The following ROBO2 variants were observed in gnomAD, a reference collection of about 807,000 sequenced individuals.
ROBO2 encodes roundabout homolog 2.
ROBO2 carries 53 observed loss-of-function variants against 160.8 expected under a neutral mutation model. The ratio of observed to expected loss-of-function variants is 0.33; its 90% confidence interval spans 0.26 to 0.41. The LOEUF (loss-of-function observed/expected upper bound fraction) is 0.41, where lower values mean the gene tolerates loss of function less well. ROBO2 is among the 10% of genes least tolerant of loss of function. The pLI, the probability that ROBO2 is intolerant of heterozygous loss-of-function variation, is 1.00. For missense variants in ROBO2, 1,577 were observed against 1,722.4 expected, an observed-to-expected ratio of 0.92 and a Z score of 1.49; for synonymous variants, 664 against 611.7, an observed-to-expected ratio of 1.09 and a Z score of -1.26.
intron 5 of ROBO2, among the ~76,000 whole-genome samples, chr3:77,493,798 A>G (rs1560991100): frequency 6.6e-6 from 1 of 152,200 alleles, no homozygotes; most frequent in East Asian, 1.9e-4. Context: ...ACAAAAGACT[A>G]TTGCATGTGG....
chr3:77,295,384 C>G (rs568651525), intron 2 of ROBO2, among the ~76,000 whole-genome samples: 1 of 149,476 alleles, frequency 6.7e-6, no homozygotes, highest in Non-Finnish European at 1.5e-5. Flanking sequence ...TAAGCTGAGG[C>G]TAGAGCACTA....
intron 2 of ROBO2, among the ~76,000 whole-genome samples, chr3:77,294,572 G>T (rs1411621571): frequency 7.1e-6 from 1 of 140,978 alleles, no homozygotes; most frequent in Non-Finnish European, 1.6e-5. Context: ...AAAATTGACG[G>T]TTAAACAGGT....
At chr3:77,328,077 AAAAG>A (rs1294274488) in intron 2 of ROBO2, among the ~76,000 whole-genome samples, 3 of 145,880 alleles carry the variant, frequency 2.1e-5, no homozygotes, top group East Asian at 4.0e-4. Flanking sequence ...AAAAAAAAAA[AAAAG>A]AAAAGAAAAA....
intron 2 of ROBO2, among the ~76,000 whole-genome samples, chr3:76,472,555 T>C (rs1249171524): frequency 2.6e-5 from 4 of 152,164 alleles, no homozygotes; most frequent in Non-Finnish European, 5.9e-5. Flanking sequence ...TGCTCTTAGG[T>C]AGCATATGTC....
In ROBO2 at chr3:76,756,467, A is replaced by G. The variant is rs139746023; in HGVS notation, c.110-341547A>G. Reference sequence around the variant, plus strand: ...GTGAGATTAGCATGGATTTGGGGTGAAAAAGTAGTATATACTTTCAAATGA... The same window carrying G: ...GTGAGATTAGCATGGATTTGGGGTGGAAAAGTAGTATATACTTTCAAATGA... On this transcript the variant is annotated intron_variant, in intron 2 of 26. Coordinates refer to the ROBO2 transcript ENST00000487694. 4.5e-3 allele frequency among the ~76,000 whole-genome samples: 688 copies of G among 151,956 alleles called. 5 individuals carry two copies. The highest frequency in any genetic ancestry group is 0.016 in the African/African-American group (659 of 41,506).
intron 2 of ROBO2, among the ~76,000 whole-genome samples, chr3:75,991,297 A>G (rs977105867): frequency 2.0e-5 from 3 of 152,282 alleles, no homozygotes; most frequent in Non-Finnish European, 2.9e-5. Context: ...CCCAAATCTC[A>G]TCTTGAATTG....
chr3:76,009,195 C>T (rs1283178634), intron 2 of ROBO2, among the ~76,000 whole-genome samples: 1 of 152,108 alleles, frequency 6.6e-6, no homozygotes, highest in Non-Finnish European at 1.5e-5. Context: ...CTCCGCCTCC[C>T]GGGTTCCCGC....
chr3:76,153,761 G>A (rs1044551622), intron 2 of ROBO2, among the ~76,000 whole-genome samples: 1 of 152,032 alleles, frequency 6.6e-6, no homozygotes, highest in Admixed American at 6.6e-5. Flanking sequence ...TAGAACTCAA[G>A]CTTCTAAAGT....
At chr3:76,718,330 A>G (rs2093414400) in intron 2 of ROBO2, among the ~76,000 whole-genome samples, 1 of 152,236 alleles carries the variant, frequency 6.6e-6, no homozygotes, top group Non-Finnish European at 1.5e-5. Context: ...ATAATAAACC[A>G]GGATTCCTAT....
chr3:76,697,572 G>A (rs1461375196), intron 2 of ROBO2, among the ~76,000 whole-genome samples: 5 of 152,100 alleles, frequency 3.3e-5, no homozygotes, highest in Non-Finnish European at 7.4e-5. Context: ...GCTTGAACCT[G>A]CGATTTCTAG....
At chr3:76,517,157 G>T (rs2107823660) in intron 2 of ROBO2, among the ~76,000 whole-genome samples, 2 of 152,218 alleles carry the variant, frequency 1.3e-5, no homozygotes, top group Admixed American at 1.3e-4. Context: ...AGTGTTTCCT[G>T]GGGACATGCG....
At chr3:76,765,609 G>C (rs544456909) in intron 2 of ROBO2, among the ~76,000 whole-genome samples, 2 of 151,786 alleles carry the variant, frequency 1.3e-5, no homozygotes, top group South Asian at 4.2e-4. Flanking sequence ...TATACAATGA[G>C]ACCTTCCTGT....
intron 2 of ROBO2, among the ~76,000 whole-genome samples, chr3:76,986,782 A>G (rs773473185): frequency 4.6e-5 from 7 of 152,152 alleles, no homozygotes; most frequent in Admixed American, 6.6e-5. Flanking sequence ...TGACTATGCT[A>G]TTAGCAAATT....
At chr3:77,149,618 A>G (rs1271240373) in intron 2 of ROBO2, among the ~76,000 whole-genome samples, 2 of 152,120 alleles carry the variant, frequency 1.3e-5, no homozygotes, top group Admixed American at 6.5e-5. Flanking sequence ...TACACACATC[A>G]CTCTCATCCA....
intron 2 of ROBO2, among the ~76,000 whole-genome samples, chr3:76,795,224 G>A (rs1402559371): frequency 2.3e-4 from 35 of 152,040 alleles, no homozygotes; most frequent in Admixed American, 2.3e-3. Context: ...GCATCAGGGT[G>A]GTGGTTGAAG....
chr3:77,278,446 C>T (rs562298547), intron 2 of ROBO2, among the ~76,000 whole-genome samples: 3 of 152,056 alleles, frequency 2.0e-5, no homozygotes, highest in Non-Finnish European at 4.4e-5. Context: ...TAACACAAAA[C>T]ACATAAACCA....
At chr3:76,510,848 A>T (rs537749227) in intron 2 of ROBO2, among the ~76,000 whole-genome samples, 1 of 152,224 alleles carries the variant, frequency 6.6e-6, no homozygotes, top group Non-Finnish European at 1.5e-5. Flanking sequence ...TAGCTTCTCA[A>T]TGAACACATG....
chr3:75,978,547 A>C (rs1393650854), intron 2 of ROBO2, among the ~76,000 whole-genome samples: 1 of 151,586 alleles, frequency 6.6e-6, no homozygotes, highest in Non-Finnish European at 1.5e-5. Flanking sequence ...ACAAAAAATA[A>C]AAAAGCTGTC....
intron 23 of ROBO2, chr3:77,630,664 G>C (rs943004108): frequency 6.6e-6 from 1 of 152,086 alleles, no homozygotes; most frequent in Non-Finnish European, 1.5e-5. Context: ...GCTTTAAACA[G>C]AGGAACACAT....
Sources: allele counts gnomAD v4.1 joint callset (sites outside exome capture counted in the v4.1 genomes callset), GRCh38; gene constraint gnomAD v4.1.1; transcripts MANE v1.5; gene names NCBI Gene and HGNC (gene_info 2026-07-23, HGNC 2026-07-21).